Variants in PTPRD observed in about 807,000 individuals in gnomAD.
The protein encoded by PTPRD is protein tyrosine phosphatase receptor type D, also known as receptor-type tyrosine-protein phosphatase delta.
PTPRD carries 34 observed loss-of-function variants against 214.5 expected under a neutral mutation model. That is an observed-to-expected ratio of 0.16 (90% CI 0.12 to 0.21). The LOEUF (loss-of-function observed/expected upper bound fraction) is 0.21, where lower values mean the gene tolerates loss of function less well. Ranked by LOEUF, PTPRD falls within the 10% of genes least tolerant of loss-of-function variation. The pLI, the probability that PTPRD is intolerant of heterozygous loss-of-function variation, is 1.00. For missense variants in PTPRD, 2,545 were observed against 2,398.7 expected (o/e 1.06, Z -1.27); for synonymous variants, 1,128 against 845.7 (o/e 1.33, Z -5.79).
At chr9:10,494,776 A>G (rs572710340) in intron 2 of PTPRD, among the ~76,000 whole-genome samples, 1 of 151,466 alleles carries the variant, frequency 6.6e-6, no homozygotes, top group African/African-American at 2.4e-5. Context: ...TAATCATAGT[A>G]TATTTAATGT....
chr9:8,976,206 G>T (rs567968714), intron 11 of PTPRD, among the ~76,000 whole-genome samples: 72 of 152,058 alleles, frequency 4.7e-4, no homozygotes, highest in African/African-American at 1.7e-3. Context: ...TATTGTTTGT[G>T]TTTAAACTAT....
chr9:8,595,202 TA>T (rs1339513369), intron 14 of PTPRD, among the ~76,000 whole-genome samples: 1 of 147,562 alleles, frequency 6.8e-6, no homozygotes, highest in African/African-American at 2.5e-5. Context: ...GCAAATTAAA[TA>T]AAAAACTTTA....
At chr9:10,388,255 G>C (rs1472109246) in intron 2 of PTPRD, among the ~76,000 whole-genome samples, 1 of 151,750 alleles carries the variant, frequency 6.6e-6, no homozygotes, top group South Asian at 2.1e-4. Context: ...AAAGATATTA[G>C]CTTTATATAG....
intron 9 of PTPRD, among the ~76,000 whole-genome samples, chr9:9,355,403 T>C (rs79889391): frequency 0.012 from 1,749 of 151,728 alleles, 32 homozygotes; most frequent in African/African-American, 0.04. Context: ...ATGGGCTTAA[T>C]TATGAAAATG....
chr9:10,451,687 T>C (rs1016047420), intron 2 of PTPRD, among the ~76,000 whole-genome samples: 4 of 150,408 alleles, frequency 2.7e-5, no homozygotes, highest in African/African-American at 1.0e-4. Flanking sequence ...ATCCTTGTTA[T>C]ATTGAAGTCT....
intron 8 of PTPRD, among the ~76,000 whole-genome samples, chr9:9,480,831 G>A (rs1447840091): frequency 6.6e-6 from 1 of 151,954 alleles, no homozygotes; most frequent in African/African-American, 2.4e-5. Context: ...TGTGGTACGT[G>A]GACTGTCTCT....
At chr9:9,546,975 A>T (rs980812666) in intron 8 of PTPRD, among the ~76,000 whole-genome samples, 5 of 151,876 alleles carry the variant, frequency 3.3e-5, no homozygotes, top group Non-Finnish European at 5.9e-5. Flanking sequence ...TGTTAAAAAA[A>T]AAAATAAAAA....
intron 2 of PTPRD, among the ~76,000 whole-genome samples, chr9:10,511,964 ATACG>A (rs1455562140): frequency 1.5e-5 from 1 of 65,540 alleles, no homozygotes; most frequent in East Asian, 4.4e-4. Context: ...GTATATATAT[ATACG>A]TGTGTGTGTA....
At chr9:10,316,362 C>T (rs2096432794) in intron 3 of PTPRD, among the ~76,000 whole-genome samples, 2 of 151,634 alleles carry the variant, frequency 1.3e-5, no homozygotes, top group Admixed American at 1.3e-4. Flanking sequence ...ACAGAAGACA[C>T]CGCAATTACT....
intron 9 of PTPRD, among the ~76,000 whole-genome samples, chr9:9,231,686 G>A (rs2099963198): frequency 6.6e-6 from 1 of 152,020 alleles, no homozygotes; most frequent in Non-Finnish European, 1.5e-5. Flanking sequence ...ATATAGAACA[G>A]TAACACACTT....
chr9:9,154,717 C>T (rs1484119205), intron 10 of PTPRD, among the ~76,000 whole-genome samples: 1 of 152,094 alleles, frequency 6.6e-6, no homozygotes, highest in Non-Finnish European at 1.5e-5. Flanking sequence ...TCTGCTCTCT[C>T]CTAAAACAGC....
chr9:10,401,636 A>G (rs1038316175), intron 2 of PTPRD, among the ~76,000 whole-genome samples: 11 of 148,040 alleles, frequency 7.4e-5, no homozygotes, highest in African/African-American at 2.5e-4. Context: ...GTATTAAATT[A>G]TCATCTAATA....
At chr9:10,467,541 C>A (rs1389135106) in intron 2 of PTPRD, among the ~76,000 whole-genome samples, 1 of 152,116 alleles carries the variant, frequency 6.6e-6, no homozygotes. Flanking sequence ...TGCATGCACA[C>A]AAATTTATTA....
rs1365257506 is a variant in PTPRD, at chr9:9,069,533, G to C, written c.-142-50798C>G. Among the ~76,000 whole-genome samples the C allele has an allele frequency of 3.3e-5, 5 of 152,212 alleles. No homozygotes were observed. In the East Asian group the frequency reaches 9.7e-4, roughly 29 times the overall value. On this transcript the variant is annotated intron_variant, in intron 10 of 45. Transcript: ENST00000381196. ...GACTCAAAGCAAGAAGAGTTATCAT[G>C]ATGCTACCTTAACTGTTCAGTAACA...
At chr9:10,534,303 T>C (rs1483652265) in intron 2 of PTPRD, among the ~76,000 whole-genome samples, 1 of 152,018 alleles carries the variant, frequency 6.6e-6, no homozygotes, top group African/African-American at 2.4e-5. Context: ...AGATAAATTC[T>C]CCCATTTCAA....
intron 3 of PTPRD, among the ~76,000 whole-genome samples, chr9:10,146,166 TA>T: frequency 6.6e-6 from 1 of 151,200 alleles, no homozygotes; most frequent in Non-Finnish European, 1.5e-5. Flanking sequence ...TATATATATA[TA>T]TGTATATGCC....
chr9:8,518,493 TA>T, intron 20 of PTPRD, 64 bp from the exon 21 acceptor site: 1 of 1,109,050 alleles, frequency 9.0e-7, no homozygotes, highest in Non-Finnish European at 1.3e-6. Flanking sequence ...CAAAAATCTA[TA>T]AACTCTACTA....
intron 9 of PTPRD, among the ~76,000 whole-genome samples, chr9:9,352,408 T>A (rs2051746713): frequency 6.6e-6 from 1 of 151,396 alleles, no homozygotes; most frequent in African/African-American, 2.4e-5. Flanking sequence ...TATATATATC[T>A]GTTATGTTTT....
intron 11 of PTPRD, among the ~76,000 whole-genome samples, chr9:8,821,722 G>C (rs1467598861): frequency 1.3e-5 from 2 of 152,340 alleles, no homozygotes; most frequent in East Asian, 3.9e-4. Context: ...CTGGATTGCA[G>C]TGGCACAATC....
Sources: allele counts gnomAD v4.1 joint callset (sites outside exome capture counted in the v4.1 genomes callset), GRCh38; gene constraint gnomAD v4.1.1; transcripts MANE v1.5; gene names NCBI Gene and HGNC (gene_info 2026-07-23, HGNC 2026-07-21).